Variants in ADAMTS20 observed in about 807,000 individuals in gnomAD.
ADAMTS20 encodes ADAM metallopeptidase with thrombospondin type 1 motif 20.
ADAMTS20 carries 225 observed loss-of-function variants against 260.1 expected under a neutral mutation model. The observed-to-expected ratio is 0.87, with a 90% confidence interval of 0.78 to 0.97. ADAMTS20 has a LOEUF of 0.97. Among genes scored for constraint, ADAMTS20 ranks in the 50% least tolerant of loss-of-function variants. ADAMTS20 has a pLI of 0.00. For missense variants in ADAMTS20, 2,400 were observed against 2,337.7 expected (o/e 1.03, Z -0.55); for synonymous variants, 802 against 769.5 (o/e 1.04, Z -0.70).
chr12:43,426,748 A>T (rs1941340709), intron 27 of ADAMTS20, among the ~76,000 whole-genome samples: 1 of 152,222 alleles, frequency 6.6e-6, no homozygotes, highest in African/African-American at 2.4e-5. Flanking sequence ...ATATCAACCT[A>T]ATTTTCTAAG....
At chr12:43,474,161 C>T (rs1044706732) in intron 7 of ADAMTS20, among the ~76,000 whole-genome samples, 2 of 147,942 alleles carry the variant, frequency 1.4e-5, no homozygotes, top group African/African-American at 2.5e-5. Flanking sequence ...GGGGATATCA[C>T]CACTGATCCC....
In ADAMTS20 at chr12:43,452,590, G is replaced by A; in HGVS notation, c.1866C>T (p.Cys622=). Residue 622 remains cysteine (C), a synonymous_variant, in exon 13 of 39, where the codon TGC becomes TGT. Coordinates refer to ENST00000389420, the MANE Select transcript of ADAMTS20 (RefSeq NM_025003.5). Reference sequence around the variant, plus strand: ...CCAAATGTTTACCATTAAAATCAGAGCACTGCTTCTCTCGAAAGTCTTGTG... The same window carrying A: ...CCAAATGTTTACCATTAAAATCAGAACACTGCTTCTCTCGAAAGTCTTGTG... ...KGTQDFREKQ[C]SDFNGKHLDI... is the part of the protein sequence containing the mutation. 6.2e-7 allele frequency: 1 copy of A among 1,613,516 alleles called. No individual in the cohort carries two copies. The highest frequency in any genetic ancestry group is 8.5e-7 in the Non-Finnish European group (1 of 1,179,718).
intron 24 of ADAMTS20, 91 bp downstream of exon 24, chr12:43,429,526 G>T: frequency 2.3e-6 from 2 of 861,266 alleles, no homozygotes; most frequent in Non-Finnish European, 3.6e-6. Context: ...GAGAATAAAT[G>T]TATACATTGT....
At chr12:43,500,610 A>G (rs746297744) in intron 4 of ADAMTS20, among the ~76,000 whole-genome samples, 21 of 152,238 alleles carry the variant, frequency 1.4e-4, no homozygotes, top group Admixed American at 1.2e-3. Context: ...AAAAAATTCA[A>G]TTGAAGTAAA....
At chr12:43,519,587 C>G (rs1000673819) in intron 3 of ADAMTS20, among the ~76,000 whole-genome samples, 2 of 152,140 alleles carry the variant, frequency 1.3e-5, no homozygotes, top group South Asian at 4.1e-4. Context: ...TCCAACTCCA[C>G]TCTCATATTC....
intron 36 of ADAMTS20, among the ~76,000 whole-genome samples, chr12:43,372,880 G>T (rs1940136672): frequency 6.6e-6 from 1 of 152,186 alleles, no homozygotes; most frequent in Non-Finnish European, 1.5e-5. Flanking sequence ...TTTTCTCAGT[G>T]AAATAGCGAG....
At chr12:43,434,571 A>C (rs1280725121) in intron 18 of ADAMTS20, among the ~76,000 whole-genome samples, 200 bp from the exon 19 acceptor site, 2 of 152,224 alleles carry the variant, frequency 1.3e-5, no homozygotes, top group Non-Finnish European at 2.9e-5. Flanking sequence ...GAATGACTGA[A>C]AGTTTGCTTA....
chr12:43,371,965 A>C (rs2137203832), intron 36 of ADAMTS20, among the ~76,000 whole-genome samples: 1 of 152,328 alleles, frequency 6.6e-6, no homozygotes, highest in African/African-American at 2.4e-5. Context: ...TATTGGTGGC[A>C]TTTACTGCAG....
intron 28 of ADAMTS20, among the ~76,000 whole-genome samples, chr12:43,404,033 A>T (rs188998608): frequency 4.7e-4 from 72 of 152,168 alleles, no homozygotes; most frequent in African/African-American, 1.7e-3. Flanking sequence ...AGGATGTCTG[A>T]TGTCCAATTT....
chr12:43,497,753 T>C (rs1241031216), intron 4 of ADAMTS20, among the ~76,000 whole-genome samples: 1 of 152,098 alleles, frequency 6.6e-6, no homozygotes, highest in Non-Finnish European at 1.5e-5. Flanking sequence ...TGAGGGTTTT[T>C]AGTTGATATA....
chr12:43,520,092 T>C (rs551728370), intron 3 of ADAMTS20, among the ~76,000 whole-genome samples: 2 of 152,210 alleles, frequency 1.3e-5, no homozygotes, highest in Admixed American at 6.5e-5. Flanking sequence ...TTTTTAAATG[T>C]GAAAAAATAA....
intron 27 of ADAMTS20, among the ~76,000 whole-genome samples, 163 bp from the exon 28 acceptor site, chr12:43,425,853 T>C (rs1165187160): frequency 6.6e-6 from 1 of 152,192 alleles, no homozygotes; most frequent in Non-Finnish European, 1.5e-5. Context: ...CGTTTAAGTT[T>C]ATAATTACTT....
intron 2 of ADAMTS20, among the ~76,000 whole-genome samples, chr12:43,549,605 C>A (rs765983318): frequency 6.6e-6 from 1 of 152,050 alleles, no homozygotes; most frequent in Non-Finnish European, 1.5e-5. Context: ...GGTAGCAAGT[C>A]TAGGATTTTC....
At chr12:43,489,893 G>T (rs903219910) in intron 7 of ADAMTS20, among the ~76,000 whole-genome samples, 1 of 152,080 alleles carries the variant, frequency 6.6e-6, no homozygotes. Flanking sequence ...AGTGATTTTT[G>T]TTTAGGAACA....
At chr12:43,425,820 T>A in intron 27 of ADAMTS20, 130 bp from the exon 28 acceptor site, 1 of 575,490 alleles carries the variant, frequency 1.7e-6, no homozygotes, top group Non-Finnish European at 2.7e-6. Flanking sequence ...TTTACTCTAG[T>A]AATGTTACTC....
intron 28 of ADAMTS20, among the ~76,000 whole-genome samples, chr12:43,399,648 T>C (rs965650568): frequency 6.6e-6 from 1 of 152,148 alleles, no homozygotes; most frequent in Non-Finnish European, 1.5e-5. Context: ...CTGTAAAGTA[T>C]GTTTTCTATG....
chr12:43,523,710 C>A (rs761381524), intron 3 of ADAMTS20, among the ~76,000 whole-genome samples: 1 of 152,238 alleles, frequency 6.6e-6, no homozygotes, highest in South Asian at 2.1e-4. Context: ...GTAGAGGAAG[C>A]TATGCTCTCC....
intron 31 of ADAMTS20, among the ~76,000 whole-genome samples, chr12:43,380,166 T>C (rs1273174261): frequency 1.3e-5 from 2 of 152,146 alleles, no homozygotes; most frequent in Non-Finnish European, 1.5e-5. Context: ...TAATACACCA[T>C]ACTAATAGAA....
chr12:43,446,825 C>T (rs1941771460), intron 14 of ADAMTS20, 113 bp from the exon 15 acceptor site: 1 of 821,444 alleles, frequency 1.2e-6, no homozygotes. Flanking sequence ...ACTGACCCCA[C>T]AGAAATATAG....
Sources: allele counts gnomAD v4.1 joint callset (sites outside exome capture counted in the v4.1 genomes callset), GRCh38; gene constraint gnomAD v4.1.1; transcripts MANE v1.5; gene names NCBI Gene and HGNC (gene_info 2026-07-23, HGNC 2026-07-21).